Variants in PDE3A observed in about 807,000 individuals in gnomAD.
The protein encoded by PDE3A is cGMP-inhibited 3',5'-cyclic phosphodiesterase 3A.
PDE3A carries 43 observed loss-of-function variants against 98.3 expected under a neutral mutation model. The ratio of observed to expected loss-of-function variants is 0.44; its 90% CI spans 0.34 to 0.56. The LOEUF is 0.56. PDE3A is among the 20% of genes least tolerant of loss of function. The pLI is 0.01. For missense variants in PDE3A, 1,427 were observed against 1,440.7 expected, an observed-to-expected ratio of 0.99 and a Z score of 0.15; for synonymous variants, 663 against 567.9, an observed-to-expected ratio of 1.17 and a Z score of -2.38.
At chr12:20,555,462 G>A (rs7972419) in intron 1 of PDE3A, among the ~76,000 whole-genome samples, 3 of 152,042 alleles carry the variant, frequency 2.0e-5, no homozygotes, top group South Asian at 4.1e-4. Context: ...TGAAATCACC[G>A]AAAATCTACC....
At chr12:20,370,413 T>G (rs1484773105) in intron 1 of PDE3A, among the ~76,000 whole-genome samples, 169 bp downstream of exon 1, 7 of 144,668 alleles carry the variant, frequency 4.8e-5, no homozygotes, top group South Asian at 2.2e-4. Context: ...TTTTTTGTTT[T>G]TTTTTTTTTG....
rs139034447 is a variant in PDE3A, at chr12:20,680,193, C to T, written c.3348C>T (p.Ile1116=). The T allele has an allele frequency of 4.3e-6, 7 of 1,613,494 alleles. No homozygotes were observed. The African/African-American group carries it at 9.4e-5, about 22-fold the overall frequency. The change falls in exon 16 of 16, where the codon ATC becomes ATT. Residue 1116 remains isoleucine (I), a synonymous_variant. Coordinates refer to ENST00000359062, the MANE Select transcript of PDE3A (RefSeq NM_000921.5). ...CTCAGTCGCACTCTTCAGAACAGAT[C>T]CAGGCTATCAAGGAAGAAGAAGAAG... is the stretch of plus-strand genomic sequence containing the variant. ...QTPQSHSSEQ[I]QAIKEEEEEK...
intron 1 of PDE3A, among the ~76,000 whole-genome samples, chr12:20,549,769 T>A (rs1011440965): frequency 6.6e-6 from 1 of 152,142 alleles, no homozygotes; most frequent in African/African-American, 2.4e-5. Flanking sequence ...TGGAAAAGAA[T>A]TTCTTTGCCC....
chr12:20,648,807 G>A lies in PDE3A; in HGVS notation c.2685G>A (p.Lys895=), dbSNP rs754297642. The A allele has an allele frequency of 2.5e-6, 4 of 1,613,650 alleles. No homozygotes were observed. In the South Asian group the frequency reaches 3.3e-5, roughly 13 times the overall value. ...TTAACCTTGACCATGTGGAATTTAA[G>A]CATTTCCGTTTCCTTGTCATTGAAG... The part of the protein sequence containing the change: ...FLINLDHVEF[K]HFRFLVIEAI... Residue 895 remains lysine, a synonymous_variant, in exon 13 of 16, where the codon AAG becomes AAA. Coordinates refer to ENST00000359062, the MANE Select transcript of PDE3A (RefSeq NM_000921.5).
chr12:20,413,261 C>T (rs1944365438), intron 1 of PDE3A, among the ~76,000 whole-genome samples: 1 of 152,114 alleles, frequency 6.6e-6, no homozygotes, highest in Admixed American at 6.5e-5. Flanking sequence ...TAAAGGAACC[C>T]AGAGAGTTTT....
chr12:20,512,491 A>C (rs1406899300), intron 1 of PDE3A, among the ~76,000 whole-genome samples: 2 of 152,102 alleles, frequency 1.3e-5, no homozygotes, highest in African/African-American at 2.4e-5. Flanking sequence ...AGTAATATCT[A>C]CTGTTGCTTT....
At position 20,655,872 on chromosome 12, in the gene PDE3A, T is replaced by G. The variant is rs61921480; in HGVS notation, c.3184+1667T>G. Among the ~76,000 whole-genome samples, 976 of 152,302 alleles carry G rather than the reference T, an allele frequency of 6.4e-3. 15 individuals are homozygous for G. The highest frequency in any genetic ancestry group is 8.9e-3 in the Non-Finnish European group (602 of 68,012). ...CCATTGAAATTATCCAAGTGAGAGA[T>G]GCCTGTGACTTTGAACCAGGGCAGT... On this transcript the variant is annotated intron_variant, in intron 15 of 15. Transcript: ENST00000359062.
chr12:20,574,738 G>A (rs187664074), intron 2 of PDE3A, among the ~76,000 whole-genome samples: 8 of 151,946 alleles, frequency 5.3e-5, no homozygotes, highest in Admixed American at 1.3e-4. Context: ...GATGCCCTTG[G>A]ACCATAGAGG....
intron 1 of PDE3A, among the ~76,000 whole-genome samples, chr12:20,454,738 G>A (rs765125081): frequency 6.6e-6 from 1 of 152,070 alleles, no homozygotes; most frequent in Non-Finnish European, 1.5e-5. Context: ...TTGATTTTAT[G>A]TTCCTGTGTT....
chr12:20,599,547 A>G (rs1230541305), intron 2 of PDE3A, among the ~76,000 whole-genome samples: 2 of 152,202 alleles, frequency 1.3e-5, no homozygotes, highest in Non-Finnish European at 2.9e-5. Flanking sequence ...TCAACGTATA[A>G]AAATTTGTTT....
intron 2 of PDE3A, among the ~76,000 whole-genome samples, chr12:20,600,304 A>T (rs1943559490): frequency 6.6e-6 from 1 of 152,142 alleles, no homozygotes; most frequent in African/African-American, 2.4e-5. Flanking sequence ...TTGATTCCTC[A>T]TTCTATGAAA....
At chr12:20,426,500 G>A (rs746293625) in intron 1 of PDE3A, among the ~76,000 whole-genome samples, 3 of 152,122 alleles carry the variant, frequency 2.0e-5, no homozygotes, top group Non-Finnish European at 4.4e-5. Context: ...ACCATGTTCC[G>A]TCCAAGACAC....
intron 6 of PDE3A, among the ~76,000 whole-genome samples, chr12:20,632,640 CCT>C (rs1944406601): frequency 6.6e-6 from 1 of 151,822 alleles, no homozygotes; most frequent in Non-Finnish European, 1.5e-5. Context: ...CCTCCAACAC[CCT>C]CTGTTAGAGG....
intron 1 of PDE3A, among the ~76,000 whole-genome samples, chr12:20,452,320 A>G (rs1459358856): frequency 6.6e-6 from 1 of 152,050 alleles, no homozygotes; most frequent in African/African-American, 2.4e-5. Context: ...ATTTTTTAGA[A>G]TTTGGAAGTC....
chr12:20,658,230 T>C (rs1174494326), intron 15 of PDE3A, among the ~76,000 whole-genome samples: 3 of 152,232 alleles, frequency 2.0e-5, no homozygotes, highest in Non-Finnish European at 4.4e-5. Flanking sequence ...GGCTTTCAAA[T>C]GGAAGAATTG....
rs151230748 is a variant in PDE3A at position 20,595,794 on chromosome 12, A to G, written c.1012-17649A>G. Among the ~76,000 whole-genome samples, 107 of 152,236 alleles carry G rather than the reference A, an allele frequency of 7.0e-4. 1 individual carries two copies. The East Asian group carries it at 0.02, about 28-fold the overall frequency. On this transcript the variant is annotated intron_variant, in intron 2 of 15. Coordinates refer to ENST00000359062, the MANE Select transcript of PDE3A (RefSeq NM_000921.5). The stretch of plus-strand genomic sequence containing the variant: ...GGGCCATTGCATCTGCTCTGTGTCC[A>G]TTTTTAAGATAAAGCTTTGCTTATT...
At chr12:20,448,745 T>G (rs1945005488) in intron 1 of PDE3A, among the ~76,000 whole-genome samples, 1 of 137,832 alleles carries the variant, frequency 7.3e-6, no homozygotes. Flanking sequence ...AAAGTTTTTA[T>G]TTTAAGGTTT....
rs1043914245 is a variant in PDE3A, at chr12:20,621,482, T to C, written c.1540+71T>C. ...TCTAGAGTAAACCAGACCTTAAGCGTTGAAATATTCTGAGGGTGCCCTATA... is the reference window on the plus strand; with the variant it reads ...TCTAGAGTAAACCAGACCTTAAGCGCTGAAATATTCTGAGGGTGCCCTATA... On this transcript the variant is annotated intron_variant, in intron 5 of 15. Coordinates refer to ENST00000359062, the MANE Select transcript of PDE3A (RefSeq NM_000921.5). 38 of 818,070 alleles carry C rather than the reference T, an allele frequency of 4.6e-5. 1 individual carries two copies. The Middle Eastern group carries it at 8.9e-4, about 19-fold the overall frequency. The allele number at this position is 818,070 out of a possible 1,614,324, so 50.7% of individuals were successfully genotyped here.
At chr12:20,560,155 CG>C (rs1175272107) in intron 2 of PDE3A, among the ~76,000 whole-genome samples, 6 of 152,044 alleles carry the variant, frequency 3.9e-5, no homozygotes, top group African/African-American at 1.4e-4. Context: ...GGCACATACT[CG>C]AGGCCTGATT....
Sources: gnomAD v4.1 joint callset for allele counts (sites outside exome capture counted in the v4.1 genomes callset) on GRCh38, gnomAD v4.1.1 for gene constraint, MANE v1.5 for transcripts, NCBI Gene and HGNC (gene_info 2026-07-23, HGNC 2026-07-21) for gene names.